The following SPON1 variants were observed in gnomAD, a reference collection of about 807,000 sequenced individuals.
SPON1 encodes spondin 1, also known as spondin-1.
Under a neutral mutation model 111.7 loss-of-function variants are expected in SPON1, and 52 were observed. The observed-to-expected ratio is 0.47, with a 90% CI of 0.37 to 0.59. SPON1 has a LOEUF of 0.59. Among genes scored for constraint, SPON1 ranks in the 20% least tolerant of loss-of-function variants. The pLI, the probability that SPON1 is intolerant of heterozygous loss-of-function variation, is 0.00. For synonymous variants in SPON1, 410 were observed against 395.8 expected, an observed-to-expected ratio of 1.04 and a Z score of -0.43; for missense variants, 957 against 1,068.5, an observed-to-expected ratio of 0.90 and a Z score of 1.46.
intron 2 of SPON1, among the ~76,000 whole-genome samples, chr11:13,985,255 T>C (rs1199428107): frequency 6.6e-6 from 1 of 152,220 alleles, no homozygotes; most frequent in Non-Finnish European, 1.5e-5. Flanking sequence ...TCTCTCATTG[T>C]TTCCACCAGC....
chr11:14,192,935 G>A lies in SPON1; in HGVS notation c.826-50397G>A, dbSNP rs553388029. Among the ~76,000 whole-genome samples the A allele has an allele frequency of 1.3e-4, 20 of 152,318 alleles. No homozygotes were observed. The East Asian group carries it at 1.7e-3, about 13-fold the overall frequency. The stretch of plus-strand genomic sequence containing the variant: ...TTTCTAGAGGAATTCTCGGGGTAGA[G>A]TGCAGGCATCCAAACTGGTGTTTCC... On this transcript the variant is annotated intron_variant, in intron 6 of 15. Coordinates refer to ENST00000576479, the MANE Select transcript of SPON1 (RefSeq NM_006108.4).
At chr11:14,248,557 G>C (rs1554940427) in intron 7 of SPON1, among the ~76,000 whole-genome samples, 2 of 152,098 alleles carry the variant, frequency 1.3e-5, no homozygotes. Flanking sequence ...CTTGTTAAGG[G>C]AAAAGAATTT....
chr11:14,225,762 A>G (rs1222038750), intron 6 of SPON1, among the ~76,000 whole-genome samples: 5 of 152,224 alleles, frequency 3.3e-5, no homozygotes. Context: ...TGACAATAAT[A>G]TCACCATACG....
At chr11:14,096,499 G>T (rs782048470) in intron 5 of SPON1, among the ~76,000 whole-genome samples, 8 of 152,176 alleles carry the variant, frequency 5.3e-5, no homozygotes, top group African/African-American at 7.2e-5. Context: ...ATTCCAGCTG[G>T]ATTTGGTCAG....
intron 7 of SPON1, among the ~76,000 whole-genome samples, chr11:14,244,133 A>C (rs1554939992): frequency 6.6e-6 from 1 of 152,000 alleles, no homozygotes; most frequent in African/African-American, 2.4e-5. Context: ...TCAAGCCATC[A>C]CCCTTTCTCA....
At position 14,153,395 on chromosome 11, in the gene SPON1, G is replaced by A. The variant is rs1564916866; in HGVS notation, c.825+17827G>A. Reference sequence around the variant, plus strand: ...CCTCAGGAAGCTTGCAATCATGGCAGAAGGTGAAGGGGAAGCCAGCATGTC... The same window carrying A: ...CCTCAGGAAGCTTGCAATCATGGCAAAAGGTGAAGGGGAAGCCAGCATGTC... On this transcript the variant is annotated intron_variant, in intron 6 of 15. Transcript: ENST00000576479. Among the ~76,000 whole-genome samples, 3 of 152,270 alleles carry A rather than the reference G, an allele frequency of 2.0e-5. No homozygotes were observed. The East Asian group carries it at 5.8e-4, about 29-fold the overall frequency.
chr11:14,156,957 T>C (rs1847855372), intron 6 of SPON1, among the ~76,000 whole-genome samples: 1 of 152,184 alleles, frequency 6.6e-6, no homozygotes. Context: ...AGACCCCTTC[T>C]CCAACATTGA....
At chr11:14,117,367 G>A (rs910675513) in intron 5 of SPON1, among the ~76,000 whole-genome samples, 2 of 151,974 alleles carry the variant, frequency 1.3e-5, no homozygotes, top group Non-Finnish European at 2.9e-5. Flanking sequence ...TCTATTATTA[G>A]TTTGCTGATA....
At chr11:14,231,972 C>CGTGTGTGTGTGT (rs10650808) in intron 6 of SPON1, among the ~76,000 whole-genome samples, 1 of 149,418 alleles carries the variant, frequency 6.7e-6, no homozygotes, top group Non-Finnish European at 1.5e-5. Flanking sequence ...CCTCCTACGC[C>CGTGTGTGTGTGT]GTGTGTGTGT....
In SPON1 at chr11:14,193,867, A is replaced by T. The variant is rs373398061; in HGVS notation, c.826-49465A>T. 1.6e-4 allele frequency among the ~76,000 whole-genome samples: 25 copies of T among 152,332 alleles called. 1 individual carries two copies. The South Asian group carries it at 2.9e-3, about 18-fold the overall frequency. On this transcript the variant is annotated intron_variant, in intron 6 of 15. Transcript: ENST00000576479. ...CACAGCCATTACAGAGGATTCCCACAGAGCCTTTTGACAGTGGTGGCCACT... is the reference window on the plus strand; with the variant it reads ...CACAGCCATTACAGAGGATTCCCACTGAGCCTTTTGACAGTGGTGGCCACT...
At chr11:14,241,319 G>A (rs1554939667) in intron 6 of SPON1, among the ~76,000 whole-genome samples, 1 of 152,190 alleles carries the variant, frequency 6.6e-6, no homozygotes, top group Non-Finnish European at 1.5e-5. Context: ...GACCCCATAA[G>A]CAAAACTCAG....
intron 2 of SPON1, among the ~76,000 whole-genome samples, chr11:14,039,418 CTG>C (rs1554917032): frequency 6.6e-6 from 1 of 151,914 alleles, no homozygotes; most frequent in East Asian, 1.9e-4. Flanking sequence ...GTGAGGGAGA[CTG>C]TGTGTGTGTA....
chr11:14,145,832 C>G (rs1847711093), intron 6 of SPON1, among the ~76,000 whole-genome samples: 2 of 152,012 alleles, frequency 1.3e-5, no homozygotes, highest in Non-Finnish European at 2.9e-5. Flanking sequence ...GGGTCAAATA[C>G]CATGCAGCTA....
chr11:14,240,243 T>C (rs2133916917), intron 6 of SPON1, among the ~76,000 whole-genome samples: 1 of 152,386 alleles, frequency 6.6e-6, no homozygotes, highest in Non-Finnish European at 1.5e-5. Context: ...AGATTCTCTC[T>C]GATCCTTATA....
At chr11:14,253,586 G>A (rs556585596) in intron 7 of SPON1, among the ~76,000 whole-genome samples, 93 of 152,320 alleles carry the variant, frequency 6.1e-4, no homozygotes, top group Admixed American at 2.5e-3. Context: ...CCCAACAGAG[G>A]GCACAGGGAC....
At chr11:13,975,092 C>T (rs943079237) in intron 1 of SPON1, among the ~76,000 whole-genome samples, 2 of 152,192 alleles carry the variant, frequency 1.3e-5, no homozygotes, top group African/African-American at 4.8e-5. Context: ...ATGTTCTCTC[C>T]TCTGCAACCC....
At chr11:13,976,736 A>T (rs1220322696) in intron 1 of SPON1, among the ~76,000 whole-genome samples, 1 of 152,222 alleles carries the variant, frequency 6.6e-6, no homozygotes, top group Admixed American at 6.5e-5. Flanking sequence ...TACAAATGAT[A>T]GAGTGTGGTG....
rs569691231 is a variant in SPON1 at position 14,021,276 on chromosome 11, A to C, written c.346-20245A>C. Among the ~76,000 whole-genome samples the C allele has an allele frequency of 1.0e-3, 159 of 152,200 alleles. 1 individual carries two copies. Among genetic ancestry groups the C allele is most frequent in the African/African-American group, 3.5e-3 (147 of 41,530 alleles). On this transcript the variant is annotated intron_variant, in intron 2 of 15. Transcript: ENST00000576479. ...TCTGGCATATTACAAGCAGATGATA[A>C]ATATGTGTTGAATGAGTGTATGAAA... is the stretch of plus-strand genomic sequence containing the variant.
chr11:14,243,384 A>G lies in SPON1; in HGVS notation c.878A>G (p.Gln293Arg). Reference sequence around the variant, plus strand: ...GCCAAAGCCCAATGGCCAGCCTGGCAGCCTCTCAACGTGTAAGTAACACAA... The same window carrying G: ...GCCAAAGCCCAATGGCCAGCCTGGCGGCCTCTCAACGTGTAAGTAACACAA... ...IKAKAQWPAW[Q>R]PLNVRAAPSA... The change falls in exon 7 of 16, where the codon CAG becomes CGG. Residue 293 changes from glutamine (Q) to arginine (R), a missense_variant. Gln to Arg is a conservative substitution (Grantham distance 43). Transcript: ENST00000576479. 1.3e-6 allele frequency: 2 copies of G among 1,575,300 alleles called. No individual in the cohort carries two copies. The highest frequency in any genetic ancestry group is 1.7e-6 in the Non-Finnish European group (2 of 1,159,812).
Sources: gnomAD v4.1 joint callset for allele counts (sites outside exome capture counted in the v4.1 genomes callset) on GRCh38, gnomAD v4.1.1 for gene constraint, MANE v1.5 for transcripts, NCBI Gene and HGNC (gene_info 2026-07-23, HGNC 2026-07-21) for gene names.